CAMKMT: variants seen among roughly 807,000 people sequenced by gnomAD.
CAMKMT encodes calmodulin-lysine N-methyltransferase.
In CAMKMT, 53 loss-of-function variants were observed where a neutral mutation model predicts 48.0. The observed-to-expected ratio is 1.10, with a 90% CI of 0.89 to 1.39. CAMKMT has a LOEUF of 1.39. Among genes scored for constraint, CAMKMT ranks in the 40% most tolerant of loss-of-function variants. The pLI, the probability that CAMKMT is intolerant of heterozygous loss-of-function variation, is 0.00. For synonymous variants in CAMKMT, 165 were observed against 152.3 expected, an observed-to-expected ratio of 1.08 and a Z score of -0.61; for missense variants, 428 against 402.7, an observed-to-expected ratio of 1.06 and a Z score of -0.54.
chr2:44,395,872 T>C (rs1394100352), intron 3 of CAMKMT, among the ~76,000 whole-genome samples: 1 of 152,172 alleles, frequency 6.6e-6, no homozygotes. Context: ...TATTTTGTTA[T>C]GTGAAAACAA....
At chr2:44,489,794 TA>T (rs976411212) in intron 3 of CAMKMT, among the ~76,000 whole-genome samples, 3 of 152,022 alleles carry the variant, frequency 2.0e-5, no homozygotes, top group African/African-American at 4.8e-5. Flanking sequence ...AAAATGAAAT[TA>T]AAAAAACACT....
intron 3 of CAMKMT, among the ~76,000 whole-genome samples, chr2:44,429,669 C>T (rs1313789520): frequency 2.0e-5 from 3 of 151,656 alleles, no homozygotes; most frequent in African/African-American, 4.8e-5. Context: ...GGCGCGGTGG[C>T]GGGCGCCTGT....
intron 3 of CAMKMT, among the ~76,000 whole-genome samples, chr2:44,647,511 A>G (rs1558768681): frequency 6.6e-6 from 1 of 152,136 alleles, no homozygotes; most frequent in Non-Finnish European, 1.5e-5. Flanking sequence ...CAAGCAGTGA[A>G]GTTTGTACTT....
chr2:44,383,869 C>T (rs753035417), intron 2 of CAMKMT, among the ~76,000 whole-genome samples: 3 of 152,104 alleles, frequency 2.0e-5, no homozygotes, highest in Admixed American at 6.5e-5. Context: ...TTTATCCACT[C>T]GTTGATTGAT....
intron 3 of CAMKMT, among the ~76,000 whole-genome samples, chr2:44,392,395 G>A (rs1289612031): frequency 6.6e-6 from 1 of 151,978 alleles, no homozygotes; most frequent in Non-Finnish European, 1.5e-5. Flanking sequence ...GTAAAGTCCT[G>A]TTCCAATAAA....
intron 3 of CAMKMT, among the ~76,000 whole-genome samples, chr2:44,667,794 C>A (rs1045217566): frequency 6.6e-6 from 1 of 152,174 alleles, no homozygotes; most frequent in Non-Finnish European, 1.5e-5. Context: ...AGCTCCACTC[C>A]AACAGTGTTT....
chr2:44,546,805 T>G (rs1667435770), intron 3 of CAMKMT, among the ~76,000 whole-genome samples: 1 of 152,202 alleles, frequency 6.6e-6, no homozygotes, highest in Non-Finnish European at 1.5e-5. Flanking sequence ...GGTAGAAGTG[T>G]CCCTGGGCTG....
At chr2:44,490,256 T>G (rs1025977470) in intron 3 of CAMKMT, among the ~76,000 whole-genome samples, 3 of 152,038 alleles carry the variant, frequency 2.0e-5, no homozygotes, top group Admixed American at 2.0e-4. Context: ...TCATCTTTCT[T>G]TTTCTTGTCT....
At chr2:44,587,116 T>G (rs1047672522) in intron 3 of CAMKMT, among the ~76,000 whole-genome samples, 1 of 152,230 alleles carries the variant, frequency 6.6e-6, no homozygotes, top group Non-Finnish European at 1.5e-5. Flanking sequence ...TTGCCCACTG[T>G]TAAATTTGAT....
chr2:44,751,812 C>G lies in CAMKMT; in HGVS notation c.699-2243C>G, dbSNP rs923800275. On this transcript the variant is annotated intron_variant, in intron 8 of 10. Coordinates refer to ENST00000378494, the MANE Select transcript of CAMKMT (RefSeq NM_024766.5). ...ATGGTTCTGCAGGCTGTGCAGGAAG[C>G]ATATTGCTGGCATCTGCTTCTGGTG... Among the ~76,000 whole-genome samples the G allele has an allele frequency of 6.6e-5, 10 of 152,302 alleles. 1 individual carries two copies. The highest frequency in any genetic ancestry group is 2.2e-4 in the African/African-American group (9 of 41,564).
intron 6 of CAMKMT, among the ~76,000 whole-genome samples, chr2:44,711,600 G>A (rs963469310): frequency 6.6e-6 from 1 of 152,276 alleles, no homozygotes; most frequent in Non-Finnish European, 1.5e-5. Context: ...ACAGGCGTGA[G>A]CCACTGTGCC....
rs1482488341 is a variant in CAMKMT, at chr2:44,715,322, G to A, written c.592G>A (p.Gly198Ser). The A allele has an allele frequency of 6.2e-7, 1 of 1,613,252 alleles. No individual in the cohort carries two copies. Among genetic ancestry groups the A allele is most frequent in the Admixed American group, 1.7e-5 (1 of 59,946 alleles). Reference protein sequence around the residue: ...QDIITRNQKAGVFKTQKISSC... With the variant: ...QDIITRNQKASVFKTQKISSC... ...CATCATCACAAGGAATCAGAAGGCT[G>A]GTGTGTTTAAGACCCAGAAAATATC... is the stretch of plus-strand genomic sequence containing the variant. Residue 198 changes from glycine to serine, a missense_variant, in exon 7 of 11, where the codon GGT (glycine) becomes AGT (serine). Gly to Ser is a moderately conservative substitution (Grantham distance 56, BLOSUM62 0). Transcript: ENST00000378494.
Position 44,576,106 on chromosome 2 carries a change from C to T in CAMKMT, c.377-128177C>T, listed in dbSNP as rs1294230610. On this transcript the variant is annotated intron_variant, in intron 3 of 10. Coordinates refer to ENST00000378494, the MANE Select transcript of CAMKMT (RefSeq NM_024766.5). ...CTTTGGGAGGCCGAGGTGGGCAGAT[C>T]ACCTGAGGTCAGGAGTTCGAGACCA... 4.6e-5 allele frequency among the ~76,000 whole-genome samples: 7 copies of T among 152,128 alleles called. No homozygotes were observed. In the East Asian group the frequency reaches 1.2e-3, roughly 25 times the overall value.
Position 44,370,426 on chromosome 2 carries a change from C to A in CAMKMT, c.139-2290C>A, listed in dbSNP as rs558717477. Among the ~76,000 whole-genome samples, 6 of 152,120 alleles carry A rather than the reference C, an allele frequency of 3.9e-5. No individual in the cohort carries two copies. In the South Asian group the frequency reaches 1.2e-3, roughly 32 times the overall value. Reference sequence around the variant, plus strand: ...TAGTTGTGTTTTTCTAGGAATTTGTCCATTTCATCTAAATTTTTAAAGTTA... The same window carrying A: ...TAGTTGTGTTTTTCTAGGAATTTGTACATTTCATCTAAATTTTTAAAGTTA... On this transcript the variant is annotated intron_variant, in intron 1 of 10. Transcript: ENST00000378494.
At chr2:44,649,158 G>A (rs368952105) in intron 3 of CAMKMT, among the ~76,000 whole-genome samples, 1 of 152,056 alleles carries the variant, frequency 6.6e-6, no homozygotes, top group South Asian at 2.1e-4. Context: ...CTTCAGTGAG[G>A]GGGGGAAAAT....
rs1010010997 is a variant in CAMKMT, at chr2:44,754,226, A to G, written c.762+108A>G. On this transcript the variant is annotated intron_variant, in intron 9 of 10. Coordinates refer to ENST00000378494, the MANE Select transcript of CAMKMT (RefSeq NM_024766.5). ...CAGGATTAATGTCATGTAATACTTT[A>G]ATACTTATTATGTCCAACTTCAATT... The G allele has an allele frequency of 2.4e-5, 20 of 817,030 alleles. No homozygotes were observed. The African/African-American group carries it at 3.2e-4, about 13-fold the overall frequency. The allele number at this position is 817,030 out of a possible 1,614,324, so 50.6% of individuals were successfully genotyped here. A position where few individuals can be genotyped will look rare whatever the true frequency, so the allele number is the denominator to read the frequency against.
At chr2:44,402,284 G>A (rs6716952) in intron 3 of CAMKMT, among the ~76,000 whole-genome samples, 1,655 of 111,084 alleles carry the variant, frequency 0.015, 27 homozygotes, top group African/African-American at 0.046. Flanking sequence ...AGCCAATATC[G>A]CACCATTGCA....
At chr2:44,566,331 G>GT (rs1440549448) in intron 3 of CAMKMT, among the ~76,000 whole-genome samples, 1 of 152,168 alleles carries the variant, frequency 6.6e-6, no homozygotes, top group Admixed American at 6.5e-5. Flanking sequence ...AAGAGCTATT[G>GT]TTGCTTTGGC....
intron 3 of CAMKMT, among the ~76,000 whole-genome samples, chr2:44,526,525 G>T (rs1490996328): frequency 6.6e-6 from 1 of 152,174 alleles, no homozygotes; most frequent in East Asian, 1.9e-4. Flanking sequence ...GAACCAGGTG[G>T]CCAGCAGTGC....
Sources: gnomAD v4.1 joint callset for allele counts (sites outside exome capture counted in the v4.1 genomes callset) on GRCh38, gnomAD v4.1.1 for gene constraint, MANE v1.5 for transcripts, NCBI Gene and HGNC (gene_info 2026-07-23, HGNC 2026-07-21) for gene names.